Variants in TTLL5 observed in about 807,000 individuals in gnomAD.
TTLL5 encodes the protein tubulin tyrosine ligase like 5.
TTLL5 carries 132 observed loss-of-function variants against 168.4 expected under a neutral mutation model. That is an observed-to-expected ratio of 0.78 (90% CI 0.68 to 0.91). The LOEUF is 0.91. Among genes scored for constraint, TTLL5 ranks in the 40% least tolerant of loss-of-function variants. The pLI, the probability that TTLL5 is intolerant of heterozygous loss-of-function variation, is 0.00. For missense variants in TTLL5, 1,545 were observed against 1,581.5 expected (o/e 0.98, Z 0.39); for synonymous variants, 546 against 558.6 (o/e 0.98, Z 0.32).
intron 20 of TTLL5, among the ~76,000 whole-genome samples, chr14:75,767,799 T>C (rs1891054289): frequency 6.6e-6 from 1 of 152,114 alleles, no homozygotes; most frequent in African/African-American, 2.4e-5. Context: ...TTAGGGACTG[T>C]TAGAATTGTC....
chr14:75,724,018 T>G (rs965415468), intron 12 of TTLL5, among the ~76,000 whole-genome samples: 7 of 146,614 alleles, frequency 4.8e-5, no homozygotes, highest in East Asian at 1.9e-4. Context: ...AGCTAGTTGT[T>G]TTTTTTTTTT....
chr14:75,757,779 G>A lies in TTLL5; in HGVS notation c.1550+4824G>A, dbSNP rs1002784832. 20 of 1,534,758 alleles carry A rather than the reference G, an allele frequency of 1.3e-5. No homozygotes were observed. In the African/African-American group the frequency reaches 2.3e-4, roughly 18 times the overall value. On this transcript the variant is annotated intron_variant, in intron 18 of 31. Coordinates refer to ENST00000298832, the MANE Select transcript of TTLL5 (RefSeq NM_015072.5). ...AGTGCATGTGTGTGTGAACTTAAGA[G>A]AGACTACCTGAATAGCATTCTCTAA...
chr14:75,929,567 C>T (rs181451707), intron 31 of TTLL5, among the ~76,000 whole-genome samples: 192 of 149,974 alleles, frequency 1.3e-3, no homozygotes, highest in African/African-American at 4.4e-3. Flanking sequence ...TTCTCTCTGC[C>T]TCAGCCGCCC....
chr14:75,751,708 C>A (rs1889964598), intron 17 of TTLL5, among the ~76,000 whole-genome samples: 1 of 152,138 alleles, frequency 6.6e-6, no homozygotes, highest in African/African-American at 2.4e-5. Context: ...GATAACCAGT[C>A]AGAGGCAAAA....
intron 30 of TTLL5, among the ~76,000 whole-genome samples, chr14:75,895,050 T>C (rs1335950550): frequency 6.6e-6 from 1 of 152,244 alleles, no homozygotes; most frequent in Admixed American, 6.5e-5. Context: ...AGAATTAACA[T>C]TTTGCTTTAA....
intron 31 of TTLL5, among the ~76,000 whole-genome samples, chr14:75,946,609 T>C (rs2034781841): frequency 6.6e-6 from 1 of 152,196 alleles, no homozygotes; most frequent in African/African-American, 2.4e-5. Context: ...TTCTGTGTGT[T>C]CAGCACTATT....
At chr14:75,695,824 G>A (rs1220904015) in intron 6 of TTLL5, among the ~76,000 whole-genome samples, 3 of 16,596 alleles carry the variant, frequency 1.8e-4, no homozygotes, top group Non-Finnish European at 3.6e-4. Context: ...TCCCCTCCCC[G>A]ACTTCCCTCT....
intron 28 of TTLL5, among the ~76,000 whole-genome samples, chr14:75,853,737 T>C (rs1896992409): frequency 1.3e-5 from 2 of 152,236 alleles, no homozygotes; most frequent in South Asian, 4.1e-4. Context: ...GGTATAATTA[T>C]GTAAACTAAA....
At chr14:75,886,681 G>A (rs1332758208) in intron 30 of TTLL5, 9 of 1,596,698 alleles carry the variant, frequency 5.6e-6, no homozygotes, top group Admixed American at 1.7e-5. Flanking sequence ...TCCAATGTTT[G>A]CAACACTTCA....
At position 75,696,190 on chromosome 14, in the gene TTLL5, C is replaced by T. The variant is rs532254479; in HGVS notation, c.503-2998C>T. On this transcript the variant is annotated intron_variant, in intron 6 of 31. Coordinates refer to ENST00000298832, the MANE Select transcript of TTLL5 (RefSeq NM_015072.5). The stretch of plus-strand genomic sequence containing the variant: ...CAGGTGTGAGTGAGCCTATTAATAA[C>T]TAGCCTGGTCGTTTCCTTAGACATT... 5.3e-5 allele frequency among the ~76,000 whole-genome samples: 8 copies of T among 152,144 alleles called. 1 individual carries two copies. The South Asian group carries it at 1.7e-3, about 32-fold the overall frequency.
intron 18 of TTLL5, among the ~76,000 whole-genome samples, chr14:75,760,265 A>G (rs1300774296): frequency 2.0e-5 from 3 of 152,126 alleles, no homozygotes; most frequent in African/African-American, 7.2e-5. Flanking sequence ...TGAAATACTT[A>G]GGAATAAATT....
chr14:75,689,305 C>T (rs550129165), intron 5 of TTLL5: 1 of 152,300 alleles, frequency 6.6e-6, no homozygotes, highest in East Asian at 1.9e-4. Flanking sequence ...TCATAAAGGA[C>T]CTTGGGACAG....
intron 26 of TTLL5, among the ~76,000 whole-genome samples, chr14:75,789,788 T>G (rs1892587125): frequency 6.6e-6 from 1 of 152,222 alleles, no homozygotes; most frequent in Non-Finnish European, 1.5e-5. Context: ...GTTTCCATTT[T>G]CATCACATTG....
chr14:75,937,871 A>G (rs1398133723), intron 31 of TTLL5, among the ~76,000 whole-genome samples: 9 of 152,200 alleles, frequency 5.9e-5, no homozygotes, highest in Admixed American at 5.9e-4. Flanking sequence ...GGGTACATAC[A>G]CAGAAGTGGA....
intron 21 of TTLL5, 34 bp from the exon 22 acceptor site, chr14:75,775,450 C>CTTTTTTTTTTT: frequency 6.3e-7 from 1 of 1,585,902 alleles, no homozygotes; most frequent in Non-Finnish European, 8.6e-7. Context: ...ACCATCCCTC[C>CTTTTTTTTTTT]TTTTTTTTTC....
At chr14:75,755,344 G>A (rs1293391717) in intron 18 of TTLL5, among the ~76,000 whole-genome samples, 6 of 151,758 alleles carry the variant, frequency 4.0e-5, no homozygotes, top group Admixed American at 3.3e-4. Context: ...GTCTACCCAT[G>A]CTTACCTTTT....
rs79212682 is a variant in TTLL5 at position 75,791,125 on chromosome 14, T to A, written c.2987-1791T>A. ...TGTCTCAAAAAAAAAAAAAAAAAAA[T>A]ACCACTTTGGTATTACTACATAAAC... is the stretch of plus-strand genomic sequence containing the variant. On this transcript the variant is annotated intron_variant, in intron 26 of 31. Coordinates refer to ENST00000298832, the MANE Select transcript of TTLL5 (RefSeq NM_015072.5). Among the ~76,000 whole-genome samples, 535 of 67,258 alleles carry A rather than the reference T, an allele frequency of 8.0e-3. 1 individual carries two copies. Among genetic ancestry groups the A allele is most frequent in the African/African-American group, 0.018 (271 of 14,780 alleles). 44.1% of individuals were successfully genotyped at this position (67,258 alleles called of 152,430 possible).
At chr14:75,742,869 A>T (rs1889357175) in intron 15 of TTLL5, among the ~76,000 whole-genome samples, 1 of 152,262 alleles carries the variant, frequency 6.6e-6, no homozygotes, top group South Asian at 2.1e-4. Flanking sequence ...TTAAAGATTT[A>T]TAAACAATGG....
intron 31 of TTLL5, among the ~76,000 whole-genome samples, chr14:75,909,668 C>T (rs1481971975): frequency 1.3e-5 from 2 of 152,174 alleles, no homozygotes; most frequent in African/African-American, 4.8e-5. Flanking sequence ...CTTTAACTTG[C>T]GATACAAGGA....
Sources: gnomAD v4.1 joint callset for allele counts (sites outside exome capture counted in the v4.1 genomes callset) on GRCh38, gnomAD v4.1.1 for gene constraint, MANE v1.5 for transcripts, NCBI Gene and HGNC (gene_info 2026-07-23, HGNC 2026-07-21) for gene names.